ERC1: variants seen among roughly 807,000 people sequenced by gnomAD.
ERC1 encodes ELKS/RAB6-interacting/CAST family member 1.
ERC1 carries 56 observed loss-of-function variants against 132.0 expected under a neutral mutation model. The observed-to-expected ratio is 0.42, with a 90% CI of 0.34 to 0.53. The LOEUF (loss-of-function observed/expected upper bound fraction) is 0.53. Among genes scored for constraint, ERC1 ranks in the 20% least tolerant of loss-of-function variants. ERC1 has a pLI of 0.03. For synonymous variants in ERC1, 478 were observed against 476.1 expected (o/e 1.00, Z -0.05); for missense variants, 1,202 against 1,349.9 (o/e 0.89, Z 1.72).
At chr12:1,121,701 C>CTCTA (rs1947160180) in intron 7 of ERC1, among the ~76,000 whole-genome samples, 3 of 68,100 alleles carry the variant, frequency 4.4e-5, no homozygotes, top group African/African-American at 1.6e-4. Context: ...CTATCTCTAT[C>CTCTA]TCTATCTGTG....
At chr12:1,286,109 C>T (rs531022076) in intron 14 of ERC1, among the ~76,000 whole-genome samples, 4 of 152,072 alleles carry the variant, frequency 2.6e-5, no homozygotes, top group African/African-American at 7.2e-5. Context: ...GCCTGGCCAA[C>T]GTGGCAAAAC....
intron 15 of ERC1, among the ~76,000 whole-genome samples, chr12:1,312,320 C>G (rs151098259): frequency 6.6e-6 from 1 of 152,308 alleles, no homozygotes; most frequent in Non-Finnish European, 1.5e-5. Flanking sequence ...GTCCTCCTAA[C>G]CCACTGATGG....
chr12:1,111,117 G>A (rs1945810071), intron 5 of ERC1, among the ~76,000 whole-genome samples: 1 of 152,080 alleles, frequency 6.6e-6, no homozygotes, highest in African/African-American at 2.4e-5. Context: ...TCCACTTGCT[G>A]TCAGGTTTAT....
At chr12:1,381,903 G>T (rs1191748462) in intron 16 of ERC1, among the ~76,000 whole-genome samples, 2 of 151,698 alleles carry the variant, frequency 1.3e-5, no homozygotes, top group Non-Finnish European at 2.9e-5. Context: ...GAACAAATGA[G>T]AAGAAAGGAG....
At chr12:1,437,920 A>G (rs1298577480) in intron 17 of ERC1, among the ~76,000 whole-genome samples, 1 of 152,248 alleles carries the variant, frequency 6.6e-6, no homozygotes, top group Non-Finnish European at 1.5e-5. Flanking sequence ...TGGTTTTCAT[A>G]GGCACATTTA....
chr12:1,173,977 C>T (rs1381161085), intron 8 of ERC1, among the ~76,000 whole-genome samples: 2 of 149,320 alleles, frequency 1.3e-5, no homozygotes, highest in Non-Finnish European at 3.0e-5. Flanking sequence ...TTCAGTGGGA[C>T]TCACCTGTTA....
At chr12:1,045,010 G>A (rs768736772) in intron 2 of ERC1, among the ~76,000 whole-genome samples, 4 of 152,056 alleles carry the variant, frequency 2.6e-5, no homozygotes, top group Non-Finnish European at 4.4e-5. Context: ...GTTCCTTGTT[G>A]GTTAGTTGGG....
chr12:1,483,724 C>G (rs1362794621), intron 18 of ERC1, among the ~76,000 whole-genome samples: 2 of 104,214 alleles, frequency 1.9e-5, no homozygotes, highest in Non-Finnish European at 3.5e-5. Context: ...GAGTCTTGCT[C>G]TGTCACCCAG....
At chr12:1,424,872 A>C (rs372406473) in intron 17 of ERC1, among the ~76,000 whole-genome samples, 96 of 141,000 alleles carry the variant, frequency 6.8e-4, no homozygotes, top group Admixed American at 1.9e-3. Flanking sequence ...ATCGATAGAT[A>C]GATAGATAGA....
intron 16 of ERC1, among the ~76,000 whole-genome samples, chr12:1,402,614 A>AACACACACACACACAC (rs56777839): frequency 0.017 from 2,495 of 144,892 alleles, 29 homozygotes; most frequent in Middle Eastern, 0.045. Context: ...TGTAACCCCC[A>AACACACACACACACAC]ACACACACAC....
chr12:1,331,828 C>G (rs138838489), intron 15 of ERC1, among the ~76,000 whole-genome samples: 1 of 152,170 alleles, frequency 6.6e-6, no homozygotes, highest in South Asian at 2.1e-4. Flanking sequence ...ACCACACATA[C>G]GTTTAAGTTG....
At chr12:1,008,047 C>T (rs1027858542) in intron 1 of ERC1, among the ~76,000 whole-genome samples, 1 of 152,172 alleles carries the variant, frequency 6.6e-6, no homozygotes, top group African/African-American at 2.4e-5. Flanking sequence ...GTGGTTTTCT[C>T]TCGTCTCCTA....
At chr12:1,172,942 T>G (rs922810896) in intron 8 of ERC1, among the ~76,000 whole-genome samples, 3 of 152,210 alleles carry the variant, frequency 2.0e-5, no homozygotes, top group African/African-American at 7.2e-5. Flanking sequence ...TCAAGCATCT[T>G]TGGCTCTGCC....
intron 1 of ERC1, among the ~76,000 whole-genome samples, chr12:1,009,918 A>G (rs574896342): frequency 5.9e-5 from 9 of 152,320 alleles, no homozygotes; most frequent in Non-Finnish European, 1.3e-4. Flanking sequence ...AGATTCTGCA[A>G]TACAAATCTC....
Position 1,343,059 on chromosome 12 carries a change from C to A in ERC1, c.2781-28774C>A, listed in dbSNP as rs190218565. 1.6e-4 allele frequency among the ~76,000 whole-genome samples: 24 copies of A among 152,242 alleles called. 1 individual carries two copies. In the East Asian group the frequency reaches 4.4e-3, roughly 28 times the overall value. Reference sequence around the variant, plus strand: ...CTTCCAGCCCCTAAACTAATCAGTCCGGGCATTAGAGAGCTTTGAAATGTT... The same window carrying A: ...CTTCCAGCCCCTAAACTAATCAGTCAGGGCATTAGAGAGCTTTGAAATGTT... On this transcript the variant is annotated intron_variant, in intron 15 of 18. Transcript: ENST00000360905.
At chr12:1,365,315 G>A (rs746253247) in intron 15 of ERC1, among the ~76,000 whole-genome samples, 1 of 150,676 alleles carries the variant, frequency 6.6e-6, no homozygotes, top group South Asian at 2.1e-4. Context: ...TTGCCTAGAC[G>A]CTACTGGCCT....
chr12:1,170,871 C>T (rs1455896246), intron 8 of ERC1, among the ~76,000 whole-genome samples: 2 of 152,096 alleles, frequency 1.3e-5, no homozygotes, highest in Admixed American at 6.5e-5. Context: ...TATACCATTC[C>T]TGTATAATTA....
chr12:1,185,493 T>C (rs1327585058), intron 11 of ERC1, among the ~76,000 whole-genome samples: 1 of 131,304 alleles, frequency 7.6e-6, no homozygotes, highest in Admixed American at 7.7e-5. Context: ...CTTAAAACCA[T>C]TTTCTGTACT....
chr12:1,034,086 T>G (rs1968597720), intron 2 of ERC1, among the ~76,000 whole-genome samples: 1 of 152,218 alleles, frequency 6.6e-6, no homozygotes, highest in Non-Finnish European at 1.5e-5. Context: ...TTTCTTTTTC[T>G]TGGTAAAAAT....
Sources: allele counts gnomAD v4.1 joint callset (sites outside exome capture counted in the v4.1 genomes callset), GRCh38; gene constraint gnomAD v4.1.1; transcripts MANE v1.5; gene names NCBI Gene and HGNC (gene_info 2026-07-23, HGNC 2026-07-21).